Variants in LHX8 observed in about 807,000 individuals in gnomAD.
LHX8 encodes LIM homeobox 8.
LHX8 carries 12 observed loss-of-function variants against 40.3 expected under a neutral mutation model. The observed-to-expected ratio is 0.30, with a 90% CI of 0.19 to 0.48. The LOEUF (loss-of-function observed/expected upper bound fraction) is 0.48. LHX8 is among the 20% of genes least tolerant of loss of function. LHX8 has a pLI of 0.99. For synonymous variants in LHX8, 179 were observed against 162.0 expected (o/e 1.10, Z -0.80); for missense variants, 344 against 433.7 (o/e 0.79, Z 1.84).
Position 75,144,836 on chromosome 1 carries a change from A to G in LHX8, c.684+888A>G, listed in dbSNP as rs867538826. Among the ~76,000 whole-genome samples, 3 of 152,148 alleles carry G rather than the reference A, an allele frequency of 2.0e-5. No individual in the cohort carries two copies. In the South Asian group the frequency reaches 6.2e-4, roughly 31 times the overall value. On this transcript the variant is annotated intron_variant, in intron 6 of 8. Coordinates refer to ENST00000356261, the MANE Select transcript of LHX8 (RefSeq NM_001256114.2). ...CTCAGACTTTAAAGGACATTTATGC[A>G]GTGTTAACAAATGAATAAAAGTAAC...
chr1:75,173,664 G>C, the LHX8 span, among the ~76,000 whole-genome samples: 1 of 152,018 alleles, frequency 6.6e-6, no homozygotes. Context: ...TTACAGGCGT[G>C]AGCCACCGTG....
chr1:75,194,063 T>G, the LHX8 span, among the ~76,000 whole-genome samples: 1 of 152,172 alleles, frequency 6.6e-6, no homozygotes, highest in Non-Finnish European at 1.5e-5. Flanking sequence ...ACAGAAGCAC[T>G]CCTTCACTAA....
the LHX8 span, among the ~76,000 whole-genome samples, chr1:75,173,374 C>CTTTTTTTTTTT: frequency 1.0e-5 from 1 of 96,470 alleles, no homozygotes; most frequent in African/African-American, 4.1e-5. Context: ...GATATATACT[C>CTTTTTTTTTTT]TTTTTTTTTT....
At chr1:75,177,265 A>C in the LHX8 span, among the ~76,000 whole-genome samples, 1 of 152,182 alleles carries the variant, frequency 6.6e-6, no homozygotes, top group African/African-American at 2.4e-5. Context: ...TACCTTGGGC[A>C]GTATGGCCAT....
At chr1:75,185,364 A>T in the LHX8 span, among the ~76,000 whole-genome samples, 1 of 152,094 alleles carries the variant, frequency 6.6e-6, no homozygotes, top group Non-Finnish European at 1.5e-5. Flanking sequence ...CAAAATACTG[A>T]CAAATGGAAT....
chr1:75,177,936 G>A, the LHX8 span, among the ~76,000 whole-genome samples: 1 of 152,176 alleles, frequency 6.6e-6, no homozygotes, highest in Admixed American at 6.5e-5. Flanking sequence ...AGATAATCAT[G>A]TGGTTTTTGT....
the LHX8 span, among the ~76,000 whole-genome samples, chr1:75,187,585 T>C: frequency 6.6e-6 from 1 of 151,834 alleles, no homozygotes; most frequent in Non-Finnish European, 1.5e-5. Flanking sequence ...TTTGGAGAAT[T>C]TGAGTCTTGC....
chr1:75,196,162 G>A, the LHX8 span, among the ~76,000 whole-genome samples: 2 of 152,162 alleles, frequency 1.3e-5, no homozygotes, highest in Admixed American at 6.5e-5. Flanking sequence ...TCAAATCTGA[G>A]GGAAGATCTG....
chr1:75,174,189 C>T, the LHX8 span, among the ~76,000 whole-genome samples: 1 of 152,130 alleles, frequency 6.6e-6, no homozygotes, highest in African/African-American at 2.4e-5. Flanking sequence ...TCATTTGGCT[C>T]TTGTGCCAAA....
intron 1 of LHX8, among the ~76,000 whole-genome samples, chr1:75,135,679 CGTTT>C (rs1557484931): frequency 6.6e-6 from 1 of 152,220 alleles, no homozygotes; most frequent in African/African-American, 2.4e-5. Flanking sequence ...GCTGCGTTTT[CGTTT>C]AAGAACAAAA....
rs41289236 is a variant in LHX8 at position 75,143,730 on chromosome 1, G to A, written c.581-115G>A. 4,234 of 785,728 alleles carry A rather than the reference G, an allele frequency of 5.4e-3. 50 individuals are homozygous for A. Among genetic ancestry groups the A allele is most frequent in the African/African-American group, 0.038 (2,251 of 58,606 alleles). 48.7% of individuals were successfully genotyped at this position (785,728 alleles called of 1,614,324 possible). The stretch of plus-strand genomic sequence containing the variant: ...GTTTTAAAACTTAAGGGGTTTTGCC[G>A]TCTAGAAAACATATACAGTTACACA... On this transcript the variant is annotated intron_variant, in intron 5 of 8. Transcript: ENST00000356261.
chr1:75,130,828 G>A, upstream of LHX8: 1 of 1,232,370 alleles, frequency 8.1e-7, no homozygotes, highest in Admixed American at 1.7e-5. Context: ...AAAATCCAAA[G>A]ACACGGTCTC....
At chr1:75,136,723 T>G (rs1365184216) in intron 2 of LHX8, 34 bp downstream of exon 2, 2 of 1,472,958 alleles carry the variant, frequency 1.4e-6, no homozygotes, top group African/African-American at 1.4e-5. Context: ...CTGGCAAGAC[T>G]GGCCGTGGGG....
chr1:75,174,346 C>T, the LHX8 span, among the ~76,000 whole-genome samples: 2 of 152,190 alleles, frequency 1.3e-5, no homozygotes, highest in Non-Finnish European at 2.9e-5. Flanking sequence ...CAGCTGGAAG[C>T]TCTCCAGATA....
intron 7 of LHX8, among the ~76,000 whole-genome samples, chr1:75,153,460 T>A (rs1035596351): frequency 6.6e-6 from 1 of 152,016 alleles, no homozygotes; most frequent in Non-Finnish European, 1.5e-5. Flanking sequence ...TTGCCCAGGC[T>A]AGAGTGCAAT....
the LHX8 span, among the ~76,000 whole-genome samples, chr1:75,188,191 T>C: frequency 6.6e-6 from 1 of 152,304 alleles, no homozygotes; most frequent in East Asian, 1.9e-4. Flanking sequence ...TGCTTTTTTT[T>C]TCATGTTAAG....
chr1:75,135,314 C>T (rs1451782519), intron 1 of LHX8, among the ~76,000 whole-genome samples: 1 of 152,258 alleles, frequency 6.6e-6, no homozygotes, highest in Non-Finnish European at 1.5e-5. Flanking sequence ...TGCAGCCTGT[C>T]TGAGGGCCTC....
At chr1:75,185,833 C>G in the LHX8 span, among the ~76,000 whole-genome samples, 1 of 152,246 alleles carries the variant, frequency 6.6e-6, no homozygotes, top group South Asian at 2.1e-4. Flanking sequence ...AGCCTATAAA[C>G]AACTCCAGCA....
At chr1:75,157,157 C>A in intron 8 of LHX8, 81 bp downstream of exon 8, 2 of 1,481,464 alleles carry the variant, frequency 1.4e-6, no homozygotes, top group Non-Finnish European at 1.9e-6. Flanking sequence ...TGATACAATT[C>A]ACATTTTGAA....
Sources: gnomAD v4.1 joint callset for allele counts (sites outside exome capture counted in the v4.1 genomes callset) on GRCh38, gnomAD v4.1.1 for gene constraint, MANE v1.5 for transcripts, NCBI Gene and HGNC (gene_info 2026-07-23, HGNC 2026-07-21) for gene names.